Variants in KHDRBS2 observed in about 807,000 individuals in gnomAD.
KHDRBS2 encodes the protein KH domain-containing, RNA-binding, signal transduction-associated protein 2.
KHDRBS2 carries 26 observed loss-of-function variants against 44.3 expected under a neutral mutation model. The ratio of observed to expected loss-of-function variants is 0.59; its 90% CI spans 0.43 to 0.81. The LOEUF is 0.81. Ranked by LOEUF, KHDRBS2 falls within the 40% of genes least tolerant of loss-of-function variation. The pLI is 0.00. For missense variants in KHDRBS2, 476 were observed against 433.1 expected (o/e 1.10, Z -0.88); for synonymous variants, 194 against 151.1 (o/e 1.28, Z -2.08).
chr6:62,233,971 C>T (rs1833295819), intron 1 of KHDRBS2, among the ~76,000 whole-genome samples: 1 of 151,336 alleles, frequency 6.6e-6, no homozygotes, highest in Non-Finnish European at 1.5e-5. Context: ...CTTGGTGATA[C>T]AATGATTTAT....
chr6:62,123,542 T>A (rs1808213611), intron 2 of KHDRBS2, among the ~76,000 whole-genome samples: 1 of 152,202 alleles, frequency 6.6e-6, no homozygotes, highest in Non-Finnish European at 1.5e-5. Flanking sequence ...CCTGCACCCT[T>A]TAATCCTGCC....
the KHDRBS2 span, among the ~76,000 whole-genome samples, chr6:61,659,743 A>C: frequency 6.6e-6 from 1 of 151,780 alleles, no homozygotes. Flanking sequence ...AAAAAAAAAC[A>C]AAGCTAATTC....
chr6:61,855,856 TG>T (rs1169087793), intron 6 of KHDRBS2, among the ~76,000 whole-genome samples: 1 of 152,070 alleles, frequency 6.6e-6, no homozygotes, highest in African/African-American at 2.4e-5. Context: ...AAATAGTAGC[TG>T]GCTTATTAGC....
At chr6:61,804,110 G>T (rs934102453) in intron 6 of KHDRBS2, among the ~76,000 whole-genome samples, 1 of 152,044 alleles carries the variant, frequency 6.6e-6, no homozygotes, top group Admixed American at 6.6e-5. Flanking sequence ...TTCAGACAAG[G>T]CAAGTCCCTG....
rs34963723 is a variant in KHDRBS2, at chr6:62,170,952, C to CAA, written c.219+6231_219+6232dup. ...CCAAGGGCATCAAAGAAGATAAACG[C>CAA]AAAAAAAAAAAAAAACCAACCAAAG... On this transcript the variant is annotated intron_variant, in intron 2 of 8. Coordinates refer to ENST00000281156, the MANE Select transcript of KHDRBS2 (RefSeq NM_152688.4). Among the ~76,000 whole-genome samples the CAA allele has an allele frequency of 6.1e-3, 787 of 129,680 alleles. 8 individuals carry two copies. The highest frequency in any genetic ancestry group is 0.053 in the South Asian group (211 of 4,002). 85.1% of individuals were successfully genotyped at this position (129,680 alleles called of 152,430 possible). A position where few individuals can be genotyped will look rare whatever the true frequency, so the allele number is the denominator to read the frequency against.
intron 2 of KHDRBS2, among the ~76,000 whole-genome samples, chr6:62,088,515 G>T (rs535557748): frequency 1.2e-4 from 18 of 152,254 alleles, no homozygotes; most frequent in Non-Finnish European, 2.6e-4. Context: ...TCTTTGCCTG[G>T]GTATCACCAG....
chr6:62,127,183 G>A (rs1422364468), intron 2 of KHDRBS2, among the ~76,000 whole-genome samples: 1 of 152,060 alleles, frequency 6.6e-6, no homozygotes, highest in Non-Finnish European at 1.5e-5. Flanking sequence ...AAAACCTACA[G>A]TATTGAAATA....
chr6:61,718,667 T>A (rs1771840716), intron 7 of KHDRBS2, among the ~76,000 whole-genome samples: 2 of 152,094 alleles, frequency 1.3e-5, no homozygotes, highest in Middle Eastern at 3.2e-3. Flanking sequence ...TACTTCCTCC[T>A]GTAGGATGGC....
At chr6:61,699,728 GA>G (rs879329984) in intron 7 of KHDRBS2, among the ~76,000 whole-genome samples, 2 of 152,046 alleles carry the variant, frequency 1.3e-5, no homozygotes, top group Non-Finnish European at 2.9e-5. Context: ...GAGATAAAAA[GA>G]GGGGCAGAGA....
At chr6:61,952,098 A>G (rs1163612249) in intron 4 of KHDRBS2, among the ~76,000 whole-genome samples, 1 of 152,110 alleles carries the variant, frequency 6.6e-6, no homozygotes, top group Non-Finnish European at 1.5e-5. Context: ...GTAAGATTGC[A>G]TAAATATTTT....
At chr6:61,775,590 G>A (rs753061074) in intron 6 of KHDRBS2, among the ~76,000 whole-genome samples, 27 of 152,098 alleles carry the variant, frequency 1.8e-4, no homozygotes, top group Non-Finnish European at 3.2e-4. Context: ...TACAAGGGAC[G>A]TGAAGGACCT....
At chr6:62,275,180 G>A (rs1040579264) in intron 1 of KHDRBS2, among the ~76,000 whole-genome samples, 6 of 152,176 alleles carry the variant, frequency 3.9e-5, no homozygotes, top group Admixed American at 2.6e-4. Context: ...ATGTAGAGAT[G>A]ACACAATATC....
chr6:62,107,018 T>A (rs1803561122), intron 2 of KHDRBS2, among the ~76,000 whole-genome samples: 1 of 152,114 alleles, frequency 6.6e-6, no homozygotes, highest in Non-Finnish European at 1.5e-5. Context: ...AAACACTCCC[T>A]TTGAAAACTG....
intron 1 of KHDRBS2, among the ~76,000 whole-genome samples, chr6:62,270,412 T>A (rs1839905250): frequency 6.7e-6 from 1 of 148,428 alleles, no homozygotes; most frequent in Non-Finnish European, 1.5e-5. Flanking sequence ...CTTCCTGAGG[T>A]CCTCACCAGA....
At chr6:62,139,967 C>A (rs1463730686) in intron 2 of KHDRBS2, among the ~76,000 whole-genome samples, 1 of 152,046 alleles carries the variant, frequency 6.6e-6, no homozygotes, top group Non-Finnish European at 1.5e-5. Flanking sequence ...TTTACCCAGC[C>A]CATTTTATTT....
chr6:62,244,674 T>C (rs1835263175), intron 1 of KHDRBS2, among the ~76,000 whole-genome samples: 1 of 152,186 alleles, frequency 6.6e-6, no homozygotes, highest in Admixed American at 6.6e-5. Flanking sequence ...GGTCCCATTG[T>C]AGGCTTATAA....
the KHDRBS2 span, among the ~76,000 whole-genome samples, chr6:61,571,115 G>A: frequency 1.3e-5 from 2 of 152,000 alleles, no homozygotes; most frequent in African/African-American, 4.8e-5. Context: ...CCACTTAAAA[G>A]ATACAGAATG....
intron 1 of KHDRBS2, among the ~76,000 whole-genome samples, chr6:62,281,180 T>C (rs1841744976): frequency 6.6e-6 from 1 of 152,228 alleles, no homozygotes; most frequent in African/African-American, 2.4e-5. Flanking sequence ...TTTCATAAGG[T>C]AATTTATTTC....
chr6:62,042,955 C>T (rs1786867192), intron 3 of KHDRBS2, among the ~76,000 whole-genome samples: 1 of 152,044 alleles, frequency 6.6e-6, no homozygotes, highest in South Asian at 2.1e-4. Context: ...AGCTTATTAA[C>T]AGAAATGCCA....
Sources: allele counts gnomAD v4.1 joint callset (sites outside exome capture counted in the v4.1 genomes callset), GRCh38; gene constraint gnomAD v4.1.1; transcripts MANE v1.5; gene names NCBI Gene and HGNC (gene_info 2026-07-23, HGNC 2026-07-21).